The following CPLX2 variants were observed in gnomAD, a reference collection of about 807,000 sequenced individuals.
CPLX2 encodes the protein complexin-2.
A neutral mutation model predicts 16.3 loss-of-function variants in CPLX2; 5 were observed. The observed-to-expected ratio is 0.31, with a 90% CI of 0.16 to 0.64. CPLX2 has a LOEUF of 0.64. CPLX2 is among the 30% of genes least tolerant of loss of function. CPLX2 has a pLI of 0.79. For missense variants in CPLX2, 144 were observed against 181.4 expected (o/e 0.79, Z 1.18); for synonymous variants, 89 against 73.2 (o/e 1.22, Z -1.10).
At chr5:175,856,617 C>CTGCG (rs1759262253) in intron 2 of CPLX2, among the ~76,000 whole-genome samples, 1 of 152,180 alleles carries the variant, frequency 6.6e-6, no homozygotes, top group Non-Finnish European at 1.5e-5. Context: ...GCCGTGTGGG[C>CTGCG]TGCGGCATGC....
chr5:175,841,686 T>C (rs939855552), intron 2 of CPLX2, among the ~76,000 whole-genome samples: 1 of 152,164 alleles, frequency 6.6e-6, no homozygotes, highest in Admixed American at 6.5e-5. Flanking sequence ...CAAGTGGCTC[T>C]CAGATGTGTA....
rs554963041 is a variant in CPLX2 at position 175,801,879 on chromosome 5, C to T, written c.-169+5095C>T. ...CACCTTGCTCTGTAAGCAATGGGAG[C>T]CATTGAAGACTTTTAAGCAGGGGGG... On this transcript the variant is annotated intron_variant, in intron 1 of 4. Coordinates refer to the CPLX2 transcript ENST00000359546. Among the ~76,000 whole-genome samples, 3 of 152,220 alleles carry T rather than the reference C, an allele frequency of 2.0e-5. No homozygotes were observed. The South Asian group carries it at 6.2e-4, about 32-fold the overall frequency.
chr5:175,864,955 C>T (rs780234019), intron 2 of CPLX2, among the ~76,000 whole-genome samples: 20 of 152,268 alleles, frequency 1.3e-4, no homozygotes, highest in Non-Finnish European at 2.8e-4. Context: ...TTTCCCCATC[C>T]GTAAACTGAG....
At chr5:175,816,735 C>T (rs1758417035) in intron 2 of CPLX2, among the ~76,000 whole-genome samples, 1 of 152,200 alleles carries the variant, frequency 6.6e-6, no homozygotes, top group South Asian at 2.1e-4. Context: ...TCACTGAGAA[C>T]CAGAGGTGCC....
At chr5:175,863,127 C>T (rs1333231780) in intron 2 of CPLX2, among the ~76,000 whole-genome samples, 1 of 152,168 alleles carries the variant, frequency 6.6e-6, no homozygotes, top group Non-Finnish European at 1.5e-5. Context: ...AAGGCCTACC[C>T]CAGAGGGAAT....
chr5:175,879,978 A>C lies in CPLX2; in HGVS notation c.338A>C (p.Glu113Ala). The change falls in exon 4 of 4, where the codon GAG (glutamate) becomes GCG (alanine). Residue 113 changes from glutamate to alanine, a missense_variant. Glu to Ala is a moderately radical substitution (Grantham distance 107, BLOSUM62 -1). Coordinates refer to ENST00000393745, the MANE Select transcript of CPLX2 (RefSeq NM_001008220.2). The stretch of plus-strand genomic sequence containing the variant: ...TGCGGGGACGAGGAGGAGGAGGAAG[A>C]GGAGAGCATCCTGGACACGGTGCTC... The part of the protein sequence containing the change: ...AGCGDEEEEE[E>A]ESILDTVLKY... The C allele has an allele frequency of 5.6e-6, 9 of 1,614,126 alleles. No individual in the cohort carries two copies. Among genetic ancestry groups the C allele is most frequent in the Non-Finnish European group, 7.6e-6 (9 of 1,180,000 alleles).
chr5:175,837,396 T>C (rs1461245525), intron 2 of CPLX2: 1 of 152,162 alleles, frequency 6.6e-6, no homozygotes, highest in Admixed American at 6.5e-5. Context: ...CAGGGGAAGA[T>C]GAAACTAAAT....
At chr5:175,801,511 G>A (rs919582125) in intron 1 of CPLX2, among the ~76,000 whole-genome samples, 1 of 152,188 alleles carries the variant, frequency 6.6e-6, no homozygotes, top group African/African-American at 2.4e-5. Context: ...AGCTGTGGAG[G>A]GCATGGCCCA....
At chr5:175,822,264 CTT>C (rs545687444) in intron 2 of CPLX2, among the ~76,000 whole-genome samples, 25 of 152,224 alleles carry the variant, frequency 1.6e-4, no homozygotes, top group African/African-American at 5.5e-4. Context: ...TCCTTCCATC[CTT>C]TTCTCTCAAG....
At chr5:175,844,526 G>A (rs2113672099) in intron 2 of CPLX2, among the ~76,000 whole-genome samples, 1 of 152,360 alleles carries the variant, frequency 6.6e-6, no homozygotes, top group South Asian at 2.1e-4. Context: ...ATTGTCAGCT[G>A]TGACAAGGAG....
intron 2 of CPLX2, 55 bp from the exon 3 acceptor site, chr5:175,878,853 C>T: frequency 6.2e-7 from 1 of 1,608,242 alleles, no homozygotes; most frequent in Non-Finnish European, 8.5e-7. Context: ...CCCCTCTCTC[C>T]CCAGCCCTGA....
chr5:175,826,361 C>T lies in CPLX2; in HGVS notation c.-89+17293C>T, dbSNP rs139217486. Among the ~76,000 whole-genome samples the T allele has an allele frequency of 3.9e-4, 60 of 152,182 alleles. 1 individual carries two copies. The highest frequency in any genetic ancestry group is 1.3e-3 in the African/African-American group (56 of 41,516). Reference sequence around the variant, plus strand: ...GGATGGACAAAAGGTAGGGCAGGAGCGCAAGGCTGGGCCAGATGTTCGAAG... The same window carrying T: ...GGATGGACAAAAGGTAGGGCAGGAGTGCAAGGCTGGGCCAGATGTTCGAAG... On this transcript the variant is annotated intron_variant, in intron 2 of 4. Transcript: ENST00000359546.
intron 2 of CPLX2, among the ~76,000 whole-genome samples, chr5:175,833,348 A>AC (rs1207634931): frequency 7.9e-5 from 12 of 152,150 alleles, no homozygotes; most frequent in Non-Finnish European, 1.6e-4. Context: ...AGAGATGAAG[A>AC]GAGTACAGTC....
At chr5:175,828,766 T>C (rs773606938) in intron 2 of CPLX2, among the ~76,000 whole-genome samples, 6 of 152,224 alleles carry the variant, frequency 3.9e-5, no homozygotes, top group Non-Finnish European at 8.8e-5. Flanking sequence ...TATTCACACC[T>C]GCCTCTGCAC....
chr5:175,846,141 C>T (rs978742020), intron 2 of CPLX2, among the ~76,000 whole-genome samples: 2 of 152,178 alleles, frequency 1.3e-5, no homozygotes, highest in Non-Finnish European at 2.9e-5. Context: ...CCGCACCCCC[C>T]TGCCTGGCCA....
At chr5:175,806,506 T>C (rs1758204780) in intron 1 of CPLX2, among the ~76,000 whole-genome samples, 1 of 152,156 alleles carries the variant, frequency 6.6e-6, no homozygotes, top group Non-Finnish European at 1.5e-5. Flanking sequence ...TTTTTTGTTT[T>C]TGAGACAGAG....
chr5:175,873,002 G>A (rs191635266), intron 1 of CPLX2: 2,008 of 152,010 alleles, frequency 0.013, 18 homozygotes, highest in Middle Eastern at 0.021. Context: ...GCGCGCCCTG[G>A]GTCCCCGGCG....
At chr5:175,816,022 T>C (rs914259151) in intron 2 of CPLX2, among the ~76,000 whole-genome samples, 3 of 152,248 alleles carry the variant, frequency 2.0e-5, no homozygotes, top group Admixed American at 6.5e-5. Flanking sequence ...TGTGACTTAA[T>C]ACAACAAAGA....
intron 2 of CPLX2, among the ~76,000 whole-genome samples, chr5:175,820,274 C>T (rs1185417234): frequency 6.6e-6 from 1 of 152,218 alleles, no homozygotes; most frequent in Non-Finnish European, 1.5e-5. Context: ...CCCAGCAGGG[C>T]GCCTGGCGTC....
Sources: gnomAD v4.1 joint callset for allele counts (sites outside exome capture counted in the v4.1 genomes callset) on GRCh38, gnomAD v4.1.1 for gene constraint, MANE v1.5 for transcripts, NCBI Gene and HGNC (gene_info 2026-07-23, HGNC 2026-07-21) for gene names.